Variants in PRELID2 observed in about 807,000 individuals in gnomAD.
PRELID2 encodes PRELI domain-containing protein 2.
A neutral mutation model predicts 28.4 loss-of-function variants in PRELID2; 25 were observed. The observed-to-expected ratio is 0.88, with a 90% CI of 0.64 to 1.23. The LOEUF is 1.23. PRELID2 is among the 50% of genes most tolerant of loss of function. The probability of loss-of-function intolerance (pLI) is 0.00; values close to 1 mark genes in which losing one functional copy is unlikely to be tolerated. For synonymous variants in PRELID2, 76 were observed against 71.6 expected (o/e 1.06, Z -0.31); for missense variants, 201 against 214.4 (o/e 0.94, Z 0.39).
chr5:145,258,726 G>A, the PRELID2 span, among the ~76,000 whole-genome samples: 1 of 152,174 alleles, frequency 6.6e-6, no homozygotes, highest in Admixed American at 6.5e-5. Context: ...TGGAAAATTT[G>A]CAGCCTGGCT....
the PRELID2 span, among the ~76,000 whole-genome samples, chr5:145,372,722 T>A: frequency 6.6e-6 from 1 of 151,270 alleles, no homozygotes; most frequent in Non-Finnish European, 1.5e-5. Context: ...CATCCTTTTA[T>A]TTTTAGCCTA....
chr5:145,364,404 A>T, the PRELID2 span, among the ~76,000 whole-genome samples: 2 of 151,968 alleles, frequency 1.3e-5, no homozygotes, highest in Admixed American at 6.6e-5. Flanking sequence ...AATAAGTTAC[A>T]TATTTGTTGA....
the PRELID2 span, among the ~76,000 whole-genome samples, chr5:145,438,137 T>A: frequency 6.6e-6 from 1 of 152,152 alleles, no homozygotes; most frequent in South Asian, 2.1e-4. Context: ...ACAAATTGAT[T>A]CTGCCTATCA....
chr5:145,455,291 C>T, the PRELID2 span, among the ~76,000 whole-genome samples: 1 of 152,116 alleles, frequency 6.6e-6, no homozygotes, highest in Non-Finnish European at 1.5e-5. Context: ...TCTGAGGCCT[C>T]TGTTCTGTTC....
At chr5:145,658,521 C>A (rs1485078131) in intron 1 of PRELID2, among the ~76,000 whole-genome samples, 1 of 152,154 alleles carries the variant, frequency 6.6e-6, no homozygotes, top group Non-Finnish European at 1.5e-5. Context: ...GTGCCATCCC[C>A]TTGGTGATGA....
At chr5:145,563,110 GC>G (rs1286122168) in intron 1 of PRELID2, among the ~76,000 whole-genome samples, 2 of 152,190 alleles carry the variant, frequency 1.3e-5, no homozygotes, top group Non-Finnish European at 2.9e-5. Context: ...TCCACGCTTG[GC>G]CAATGATCTT....
chr5:145,506,902 G>A (rs1006752066), intron 1 of PRELID2, among the ~76,000 whole-genome samples: 1 of 152,066 alleles, frequency 6.6e-6, no homozygotes, highest in African/African-American at 2.4e-5. Context: ...ACCCTCAATG[G>A]CTCTCTAATT....
the PRELID2 span, among the ~76,000 whole-genome samples, chr5:145,298,006 G>T: frequency 6.6e-6 from 1 of 152,072 alleles, no homozygotes; most frequent in Non-Finnish European, 1.5e-5. Context: ...CATTCTCATG[G>T]GTAGGAAGAA....
chr5:145,530,784 G>A (rs918771563), intron 1 of PRELID2, among the ~76,000 whole-genome samples: 5 of 152,180 alleles, frequency 3.3e-5, no homozygotes, highest in South Asian at 2.1e-4. Context: ...GAAGCTAGTC[G>A]TGGGTGGGGG....
the PRELID2 span, among the ~76,000 whole-genome samples, chr5:145,313,684 G>A: frequency 1.1e-4 from 17 of 152,124 alleles, no homozygotes; most frequent in Non-Finnish European, 2.5e-4. Flanking sequence ...GCAATTCTGA[G>A]GCTGGGCAAC....
chr5:145,565,047 G>A (rs181192242), intron 1 of PRELID2, among the ~76,000 whole-genome samples: 62 of 152,270 alleles, frequency 4.1e-4, no homozygotes, highest in Admixed American at 1.5e-3. Flanking sequence ...GAAATCACCC[G>A]CCTTCTGTGT....
intron 1 of PRELID2, among the ~76,000 whole-genome samples, chr5:145,719,496 C>CGAGAGA (rs143655188): frequency 6.9e-6 from 1 of 144,822 alleles, no homozygotes; most frequent in African/African-American, 2.5e-5. Context: ...TTTCCCATTA[C>CGAGAGA]GAGAGAGAGA....
At chr5:145,687,212 A>G (rs1338849934) in intron 1 of PRELID2, among the ~76,000 whole-genome samples, 2 of 152,192 alleles carry the variant, frequency 1.3e-5, no homozygotes, top group Admixed American at 1.3e-4. Context: ...GGATGAAACT[A>G]TGGGGGGTCT....
At chr5:145,563,268 A>G (rs1416672253) in intron 1 of PRELID2, among the ~76,000 whole-genome samples, 2 of 152,298 alleles carry the variant, frequency 1.3e-5, no homozygotes, top group Admixed American at 1.3e-4. Context: ...AACTGTGGGG[A>G]ACCACCCACA....
chr5:145,645,748 A>G (rs1044495617), intron 1 of PRELID2, among the ~76,000 whole-genome samples: 8 of 152,052 alleles, frequency 5.3e-5, no homozygotes, highest in South Asian at 2.1e-4. Context: ...ATCTCTCAGC[A>G]TTTGTTTGTC....
intron 4 of PRELID2, among the ~76,000 whole-genome samples, chr5:145,807,465 G>A (rs1753591876): frequency 6.6e-6 from 1 of 152,114 alleles, no homozygotes; most frequent in Non-Finnish European, 1.5e-5. Flanking sequence ...AATGCGCAGA[G>A]CATGTCTATT....
the PRELID2 span, among the ~76,000 whole-genome samples, chr5:145,234,288 A>G: frequency 1.3e-5 from 2 of 152,114 alleles, no homozygotes; most frequent in Admixed American, 1.3e-4. Context: ...AACACTCACA[A>G]TCTCACTCAA....
At chr5:145,729,815 A>G (rs549829106) in intron 1 of PRELID2, among the ~76,000 whole-genome samples, 1 of 152,284 alleles carries the variant, frequency 6.6e-6, no homozygotes, top group East Asian at 1.9e-4. Flanking sequence ...AAGAATGAGA[A>G]AAGACAGTTT....
chr5:145,774,604 G>T (rs74635658), intron 5 of PRELID2, among the ~76,000 whole-genome samples: 2,103 of 152,292 alleles, frequency 0.014, 63 homozygotes, highest in Admixed American at 0.071. Flanking sequence ...GCTAGAGGCT[G>T]ATGACCTATA....
Sources: gnomAD v4.1 joint callset for allele counts (sites outside exome capture counted in the v4.1 genomes callset) on GRCh38, gnomAD v4.1.1 for gene constraint, MANE v1.5 for transcripts, NCBI Gene and HGNC (gene_info 2026-07-23, HGNC 2026-07-21) for gene names.